The following SPTBN1 variants were observed in gnomAD, a reference collection of about 807,000 sequenced individuals.
SPTBN1 encodes spectrin beta chain, non-erythrocytic 1.
A neutral mutation model predicts 266.4 loss-of-function variants in SPTBN1; 32 were observed. That is an observed-to-expected ratio of 0.12 (90% CI 0.09 to 0.16). SPTBN1 has a LOEUF of 0.16. SPTBN1 is among the 10% of genes least tolerant of loss of function. SPTBN1 has a pLI of 1.00. For missense variants in SPTBN1, 2,296 were observed against 3,067.1 expected, an observed-to-expected ratio of 0.75 and a Z score of 5.94; for synonymous variants, 1,336 against 1,162.2, an observed-to-expected ratio of 1.15 and a Z score of -3.04.
At chr2:54,482,453 A>G (rs2103944636) in intron 1 of SPTBN1, among the ~76,000 whole-genome samples, 1 of 152,334 alleles carries the variant, frequency 6.6e-6, no homozygotes, top group Middle Eastern at 3.4e-3. Context: ...TCTGGGATAC[A>G]GAATGGGCAC....
chr2:54,607,601 A>C (rs1225312143), intron 3 of SPTBN1, among the ~76,000 whole-genome samples: 7 of 152,072 alleles, frequency 4.6e-5, no homozygotes, highest in Non-Finnish European at 1.0e-4. Context: ...TGGGCGACAG[A>C]GCGAGACTCT....
chr2:54,638,616 G>C (rs1054454609), intron 18 of SPTBN1, among the ~76,000 whole-genome samples: 1 of 152,214 alleles, frequency 6.6e-6, no homozygotes, highest in African/African-American at 2.4e-5. Context: ...GCTAGTTGGA[G>C]AATAGTATCT....
rs1408474029 is a variant in SPTBN1, at chr2:54,554,461, C to T, written c.148+27895C>T. Among the ~76,000 whole-genome samples the T allele has an allele frequency of 1.3e-5, 2 of 152,126 alleles. No homozygotes were observed. Among genetic ancestry groups the T allele is most frequent in the African/African-American group, 2.4e-5 (1 of 41,408 alleles). On this transcript the variant is annotated intron_variant, in intron 2 of 35. Coordinates refer to ENST00000356805, the MANE Select transcript of SPTBN1 (RefSeq NM_003128.3). This position sits in a 1 kb window ranked among gnomAD's most constrained non-coding sequence, Gnocchi z 4.5. ...AGTGTGATGGTTCTGGTTATTACGG[C>T]CATTCAGTTTAAGTGGAGATTGATG...
chr2:54,512,186 G>T (rs535392775), intron 1 of SPTBN1, among the ~76,000 whole-genome samples: 7 of 152,250 alleles, frequency 4.6e-5, no homozygotes, highest in African/African-American at 1.7e-4. Context: ...ACCTTCTGCT[G>T]TGTGGCCTCG....
rs553484549 is a variant in SPTBN1, at chr2:54,632,842, C to T, written c.3767+74C>T. ...AAACTTCTGAATCATTGGCCAGAAGCCCTTGGGAGTTTAGGTATAAATTTC... is the reference window on the plus strand; with the variant it reads ...AAACTTCTGAATCATTGGCCAGAAGTCCTTGGGAGTTTAGGTATAAATTTC... On this transcript the variant is annotated intron_variant, in intron 17 of 35. Coordinates refer to ENST00000356805, the MANE Select transcript of SPTBN1 (RefSeq NM_003128.3). The T allele has an allele frequency of 1.1e-5, 17 of 1,515,548 alleles. No individual in the cohort carries two copies. The South Asian group carries it at 2.1e-4, about 18-fold the overall frequency. The allele number at this position is 1,515,548 out of a possible 1,614,324, so 93.9% of individuals were successfully genotyped here.
At chr2:54,637,623 A>C in intron 17 of SPTBN1, 90 bp from the exon 18 acceptor site, 1 of 1,024,650 alleles carries the variant, frequency 9.8e-7, no homozygotes, top group East Asian at 2.6e-5. Context: ...TAGCATAGTT[A>C]GGAATTCAGG....
intron 2 of SPTBN1, among the ~76,000 whole-genome samples, chr2:54,593,666 A>G (rs1675834860): frequency 6.6e-6 from 1 of 152,062 alleles, no homozygotes; most frequent in Admixed American, 6.6e-5. Context: ...GGTGCAAGCC[A>G]TAGTGGGCCA....
chr2:54,508,200 G>T (rs988342705), intron 1 of SPTBN1, among the ~76,000 whole-genome samples: 3 of 152,014 alleles, frequency 2.0e-5, no homozygotes, highest in African/African-American at 7.2e-5. Context: ...AGGTGAGAAG[G>T]CCAAACCGAG....
intron 30 of SPTBN1, 29 bp from the exon 31 acceptor site, chr2:54,659,125 C>G: frequency 6.2e-7 from 1 of 1,610,706 alleles, no homozygotes; most frequent in Non-Finnish European, 8.5e-7. Flanking sequence ...GTTTGGGACT[C>G]TACCAAACAT....
intron 2 of SPTBN1, among the ~76,000 whole-genome samples, chr2:54,564,570 C>T (rs1339236770): frequency 6.6e-6 from 1 of 152,210 alleles, no homozygotes; most frequent in East Asian, 1.9e-4. Context: ...GCTGCTGCCA[C>T]ACCTGTACCC....
intron 2 of SPTBN1, among the ~76,000 whole-genome samples, chr2:54,590,042 T>G (rs912807732): frequency 3.3e-5 from 5 of 152,250 alleles, no homozygotes; most frequent in African/African-American, 1.2e-4. Context: ...TACAATGATG[T>G]CCTAATCACA....
chr2:54,660,379 A>C, intron 32 of SPTBN1: 4 of 1,148,546 alleles, frequency 3.5e-6, no homozygotes, highest in Non-Finnish European at 4.3e-6. Context: ...TTACAGCATA[A>C]TGAAGAAGAA....
At chr2:54,638,743 G>A (rs1307927477) in intron 18 of SPTBN1, among the ~76,000 whole-genome samples, 1 of 152,156 alleles carries the variant, frequency 6.6e-6, no homozygotes, top group African/African-American at 2.4e-5. Flanking sequence ...AATGGGGTGA[G>A]GAATATCCAC....
chr2:54,660,666 A>G (rs1180967421), intron 32 of SPTBN1: 14 of 985,360 alleles, frequency 1.4e-5, no homozygotes, highest in Non-Finnish European at 1.7e-5. Context: ...AATCTCATAC[A>G]TTTTGAGACC....
At chr2:54,557,640 C>T (rs867184767) in intron 2 of SPTBN1, 2 of 857,094 alleles carry the variant, frequency 2.3e-6, no homozygotes, top group African/African-American at 1.8e-5. Flanking sequence ...ATAAACAACT[C>T]CAGGTCAGGG....
chr2:54,601,787 C>G (rs1039168096), intron 3 of SPTBN1, among the ~76,000 whole-genome samples: 1 of 152,140 alleles, frequency 6.6e-6, no homozygotes, highest in South Asian at 2.1e-4. Context: ...AGAGCCACTT[C>G]CTTTACAGAG....
chr2:54,549,526 A>C (rs1249895689), intron 2 of SPTBN1, among the ~76,000 whole-genome samples: 1 of 152,190 alleles, frequency 6.6e-6, no homozygotes, highest in Non-Finnish European at 1.5e-5. Context: ...TCAGTGTTAA[A>C]AGCTGAGAAT....
intron 18 of SPTBN1, among the ~76,000 whole-genome samples, chr2:54,641,787 A>G (rs1380504930): frequency 6.6e-6 from 1 of 151,156 alleles, no homozygotes; most frequent in Non-Finnish European, 1.5e-5. Flanking sequence ...GCTCTCCTTG[A>G]CATCATTTCC....
At chr2:54,651,494 A>T (rs765128519) in intron 26 of SPTBN1, among the ~76,000 whole-genome samples, 2 of 152,216 alleles carry the variant, frequency 1.3e-5, no homozygotes, top group Non-Finnish European at 2.9e-5. Flanking sequence ...CCAGGAGTAC[A>T]TGGTGCTTCT....
Sources: allele counts gnomAD v4.1 joint callset (sites outside exome capture counted in the v4.1 genomes callset), GRCh38; gene constraint gnomAD v4.1.1; non-coding constraint Gnocchi (gnomAD v3.1); transcripts MANE v1.5; gene names NCBI Gene and HGNC (gene_info 2026-07-23, HGNC 2026-07-21).